The following ATG4C variants were observed in gnomAD, a reference collection of about 807,000 sequenced individuals.
The protein encoded by ATG4C is autophagy related 4C cysteine peptidase, also known as cysteine protease ATG4C.
A neutral mutation model predicts 57.6 loss-of-function variants in ATG4C; 56 were observed. The observed-to-expected ratio is 0.97, with a 90% confidence interval of 0.78 to 1.21. ATG4C has a LOEUF of 1.21. Among genes scored for constraint, ATG4C ranks in the 50% most tolerant of loss-of-function variants. ATG4C has a pLI of 0.00. For missense variants in ATG4C, 595 were observed against 529.8 expected, an observed-to-expected ratio of 1.12 and a Z score of -1.21; for synonymous variants, 157 against 174.1, an observed-to-expected ratio of 0.90 and a Z score of 0.78.
At chr1:62,814,925 C>T (rs529813586) in intron 3 of ATG4C, among the ~76,000 whole-genome samples, 15 of 152,120 alleles carry the variant, frequency 9.9e-5, no homozygotes, top group South Asian at 4.2e-4. Flanking sequence ...ATTAGCCTGG[C>T]GTTGTGGTGC....
chr1:62,829,046 A>G lies in ATG4C; in HGVS notation c.803A>G (p.Asn268Ser), dbSNP rs970990259. 1.9e-6 allele frequency: 3 copies of G among 1,607,942 alleles called. No homozygotes were observed. The highest frequency in any genetic ancestry group is 1.3e-5 in the African/African-American group (1 of 74,634). Residue 268 changes from asparagine to serine, a missense_variant, in exon 7 of 11, where the codon AAT becomes AGT. Physicochemically the swap from Asn to Ser is conservative, Grantham distance 46 (BLOSUM62 1). Transcript: ENST00000317868. ...IYVAQDCTVYNSDVIDKQSAS... is the reference protein window; with the variant it reads ...IYVAQDCTVYSSDVIDKQSAS... ...TTCATTATGTTTTTCTCAGTTTACA[A>G]TTCTGATGTAATTGATAAACAGAGT... is the stretch of plus-strand genomic sequence containing the variant.
At chr1:62,807,580 G>A (rs1165281575) in intron 3 of ATG4C, among the ~76,000 whole-genome samples, 4 of 152,080 alleles carry the variant, frequency 2.6e-5, no homozygotes, top group Admixed American at 6.5e-5. Flanking sequence ...CCTGAAATAC[G>A]GGATATGTAG....
chr1:62,815,382 C>G (rs1665233314), intron 3 of ATG4C, among the ~76,000 whole-genome samples: 1 of 152,070 alleles, frequency 6.6e-6, no homozygotes, highest in East Asian at 1.9e-4. Flanking sequence ...TATACTTCAC[C>G]TTCTCCCTCT....
Position 62,803,855 on chromosome 1 carries a change from G to A in ATG4C, c.69G>A (p.Met23Ile). The change falls in exon 2 of 11, where the codon ATG (methionine) becomes ATA (isoleucine). Residue 23 changes from methionine (M) to isoleucine (I), a missense_variant. By Grantham distance (10) the Met-to-Ile change is conservative. Transcript: ENST00000317868. ...KTKFISAWNN[M>I]KYSWVLKTKT... ...AATTTATATCTGCTTGGAACAACAT[G>A]AAATATAGTAAGTATCATGTTTTAA... 1 of 1,574,366 alleles carries A rather than the reference G, an allele frequency of 6.4e-7. No homozygotes were observed. Among genetic ancestry groups the A allele is most frequent in the Non-Finnish European group, 8.7e-7 (1 of 1,149,882 alleles).
intron 10 of ATG4C, among the ~76,000 whole-genome samples, chr1:62,844,190 T>G (rs917004690): frequency 6.6e-6 from 1 of 152,176 alleles, no homozygotes; most frequent in African/African-American, 2.4e-5. Flanking sequence ...AGGTGTGGCC[T>G]GGGAGTCTCC....
At chr1:62,787,555 C>G (rs1664133394) in intron 1 of ATG4C, among the ~76,000 whole-genome samples, 1 of 152,044 alleles carries the variant, frequency 6.6e-6, no homozygotes, top group South Asian at 2.1e-4. Context: ...ATATTGAACC[C>G]AAACAGTAGT....
intron 1 of ATG4C, among the ~76,000 whole-genome samples, chr1:62,801,387 A>G (rs1664657252): frequency 6.6e-6 from 1 of 152,270 alleles, no homozygotes; most frequent in African/African-American, 2.4e-5. Flanking sequence ...TCTAGAGTGT[A>G]AATTCCAAGA....
chr1:62,824,183 G>A (rs1214270467), intron 6 of ATG4C, among the ~76,000 whole-genome samples: 3 of 152,166 alleles, frequency 2.0e-5, no homozygotes, highest in Non-Finnish European at 4.4e-5. Context: ...GCTAGACAGT[G>A]TTTGAAGTCA....
intron 5 of ATG4C, 58 bp from the exon 6 acceptor site, chr1:62,821,081 T>C: frequency 7.4e-7 from 1 of 1,359,118 alleles, no homozygotes; most frequent in Non-Finnish European, 1.0e-6. Flanking sequence ...AAATTAAATA[T>C]TTAGTTGCCA....
chr1:62,854,015 C>T (rs1288967980), intron 10 of ATG4C, among the ~76,000 whole-genome samples: 1 of 151,894 alleles, frequency 6.6e-6, no homozygotes, highest in African/African-American at 2.4e-5. Context: ...GCTTTACCTT[C>T]TACCTATTCT....
At position 62,837,591 on chromosome 1, in the gene ATG4C, A is replaced by G. The variant is rs183609479; in HGVS notation, c.1089+2739A>G. On this transcript the variant is annotated intron_variant, in intron 9 of 10. Transcript: ENST00000317868. ...GTTTGTTCTGATTGCTGGGTCCCCA[A>G]TTCCAAATGTCAAATTTTAGGAGGT... is the stretch of plus-strand genomic sequence containing the variant. Among the ~76,000 whole-genome samples, 330 of 152,296 alleles carry G rather than the reference A, an allele frequency of 2.2e-3. 1 individual carries two copies. The highest frequency in any genetic ancestry group is 7.4e-3 in the African/African-American group (308 of 41,572).
chr1:62,825,913 C>CT (rs995596718), intron 6 of ATG4C, among the ~76,000 whole-genome samples: 34 of 147,094 alleles, frequency 2.3e-4, no homozygotes, highest in Middle Eastern at 3.5e-3. Context: ...GAACTGATCA[C>CT]TTTTTTTTTT....
In ATG4C at chr1:62,864,592, C is replaced by A. The variant is rs948799430; in HGVS notation, c.*433C>A. The A allele has an allele frequency of 5.0e-5, 8 of 158,592 alleles. No individual in the cohort carries two copies. Among genetic ancestry groups the A allele is most frequent in the African/African-American group, 1.9e-4 (8 of 41,454 alleles). 9.8% of individuals were successfully genotyped at this position (158,592 alleles called of 1,614,324 possible). On this transcript the variant is annotated 3_prime_UTR_variant, in exon 11 of 11. Transcript: ENST00000317868. The stretch of plus-strand genomic sequence containing the variant: ...GGAAACTTTAATGCTGTCTAGCCTC[C>A]TGCTATTAATGCAATCAAAGAATAC...
chr1:62,808,916 T>C (rs1664972292), intron 3 of ATG4C, among the ~76,000 whole-genome samples: 1 of 152,102 alleles, frequency 6.6e-6, no homozygotes, highest in African/African-American at 2.4e-5. Context: ...GTTATGATAT[T>C]GGAGTAGAGA....
intron 1 of ATG4C, among the ~76,000 whole-genome samples, chr1:62,798,792 G>T (rs1264951293): frequency 6.6e-6 from 1 of 152,016 alleles, no homozygotes; most frequent in East Asian, 1.9e-4. Context: ...TTACAGGCAT[G>T]CACCACCATG....
At chr1:62,851,464 C>A (rs572413227) in intron 10 of ATG4C, among the ~76,000 whole-genome samples, 2 of 152,092 alleles carry the variant, frequency 1.3e-5, no homozygotes, top group Non-Finnish European at 2.9e-5. Flanking sequence ...AACAATAAGT[C>A]TTCCCTTAAC....
chr1:62,830,249 G>C (rs1665797986), intron 7 of ATG4C, among the ~76,000 whole-genome samples: 1 of 152,080 alleles, frequency 6.6e-6, no homozygotes, highest in African/African-American at 2.4e-5. Context: ...TTTGATGTCT[G>C]ACATGTATCT....
chr1:62,863,760 A>G (rs182273669), intron 10 of ATG4C, among the ~76,000 whole-genome samples: 1 of 152,188 alleles, frequency 6.6e-6, no homozygotes, highest in African/African-American at 2.4e-5. Flanking sequence ...GAGTGAGCAT[A>G]TACTTTGATG....
At chr1:62,786,595 A>T (rs1043964121) in intron 1 of ATG4C, among the ~76,000 whole-genome samples, 1 of 151,840 alleles carries the variant, frequency 6.6e-6, no homozygotes, top group Non-Finnish European at 1.5e-5. Context: ...AAAGCACTTT[A>T]TTTTTATTTT....
Sources: gnomAD v4.1 joint callset for allele counts (sites outside exome capture counted in the v4.1 genomes callset) on GRCh38, gnomAD v4.1.1 for gene constraint, MANE v1.5 for transcripts, NCBI Gene and HGNC (gene_info 2026-07-23, HGNC 2026-07-21) for gene names.